DCDC2C: variants seen among roughly 807,000 people sequenced by gnomAD.
DCDC2C encodes the protein doublecortin domain containing 2C.
In DCDC2C, 44 loss-of-function variants were observed where a neutral mutation model predicts 45.0. That is an observed-to-expected ratio of 0.98 (90% CI 0.77 to 1.26). The LOEUF is 1.26. Ranked by LOEUF, DCDC2C falls within the 50% of genes most tolerant of loss-of-function variation. The pLI is 0.00. For synonymous variants in DCDC2C, 187 were observed against 178.8 expected, an observed-to-expected ratio of 1.05 and a Z score of -0.37; for missense variants, 447 against 468.9, an observed-to-expected ratio of 0.95 and a Z score of 0.43.
At chr2:3,749,946 T>C (rs937197477) in intron 4 of DCDC2C, among the ~76,000 whole-genome samples, 3 of 152,134 alleles carry the variant, frequency 2.0e-5, no homozygotes, top group African/African-American at 4.8e-5. Context: ...AGTTGAGTTT[T>C]TTCGGGTGCA....
intron 9 of DCDC2C, among the ~76,000 whole-genome samples, chr2:3,781,366 CG>C (rs1558224706): frequency 6.6e-6 from 1 of 152,120 alleles, no homozygotes; most frequent in African/African-American, 2.4e-5. Context: ...ATATGATTGC[CG>C]GCTTGACCTC....
At chr2:3,772,986 T>C (rs1670223361) in intron 8 of DCDC2C, among the ~76,000 whole-genome samples, 1 of 152,130 alleles carries the variant, frequency 6.6e-6, no homozygotes, top group Admixed American at 6.5e-5. Context: ...GGGTTCTGCA[T>C]TAGGGAAGCG....
At chr2:3,836,816 C>A (rs74171421) in intron 10 of DCDC2C, among the ~76,000 whole-genome samples, 3,810 of 149,476 alleles carry the variant, frequency 0.025, 163 homozygotes, top group African/African-American at 0.087. Flanking sequence ...GAGCCGAGAT[C>A]GCGCCACTGC....
intron 10 of DCDC2C, among the ~76,000 whole-genome samples, chr2:3,843,404 CA>C (rs1672260143): frequency 6.6e-6 from 1 of 152,306 alleles, no homozygotes; most frequent in South Asian, 2.1e-4. Flanking sequence ...TTCTCCACGT[CA>C]GCTGAGCGAC....
intron 6 of DCDC2C, among the ~76,000 whole-genome samples, chr2:3,760,960 T>A (rs1208029860): frequency 6.6e-6 from 1 of 152,226 alleles, no homozygotes; most frequent in Non-Finnish European, 1.5e-5. Context: ...TTGGTTCACT[T>A]CACTTATTGC....
At chr2:3,731,953 T>C (rs1334346399) in intron 3 of DCDC2C, among the ~76,000 whole-genome samples, 1 of 152,098 alleles carries the variant, frequency 6.6e-6, no homozygotes, top group Non-Finnish European at 1.5e-5. Flanking sequence ...GAGGCCATTA[T>C]GAAGGGGGTC....
In DCDC2C at chr2:3,716,149, T is replaced by A. The variant is rs188642885; in HGVS notation, c.339+7549T>A. ...CTGCAATGATCCAGGCAAGGGACAG[T>A]GGGGATTTAGATCATTGTGGTGGCG... On this transcript the variant is annotated intron_variant, in intron 2 of 10. Transcript: ENST00000399143. Among the ~76,000 whole-genome samples the A allele has an allele frequency of 2.4e-3, 362 of 152,182 alleles. 1 individual carries two copies. Among genetic ancestry groups the A allele is most frequent in the Middle Eastern group, 0.014 (4 of 294 alleles).
At chr2:3,739,402 A>C (rs11684160) in intron 3 of DCDC2C, among the ~76,000 whole-genome samples, 23,640 of 152,062 alleles carry the variant, frequency 0.16, 1,894 homozygotes, top group East Asian at 0.24. Flanking sequence ...TTGGCCTGCC[A>C]CGCCCCCATC....
intron 2 of DCDC2C, among the ~76,000 whole-genome samples, chr2:3,716,187 A>G (rs1336761498): frequency 6.6e-6 from 1 of 152,156 alleles, no homozygotes; most frequent in African/African-American, 2.4e-5. Context: ...GGTGATTATG[A>G]ATTCACGCTG....
At chr2:3,788,362 C>T (rs1410254274) in intron 10 of DCDC2C, 1 of 152,084 alleles carries the variant, frequency 6.6e-6, no homozygotes, top group African/African-American at 2.4e-5. Context: ...TCAGAATACA[C>T]CGGGTGTGTA....
intron 10 of DCDC2C, among the ~76,000 whole-genome samples, chr2:3,809,555 T>TA (rs1433665298): frequency 6.6e-6 from 1 of 152,234 alleles, no homozygotes; most frequent in Non-Finnish European, 1.5e-5. Context: ...TTGACTTTTT[T>TA]ATATCGACCT....
chr2:3,770,038 C>T (rs1277731864), intron 8 of DCDC2C, among the ~76,000 whole-genome samples: 1 of 152,156 alleles, frequency 6.6e-6, no homozygotes, highest in Admixed American at 6.5e-5. Context: ...GGCCAGGGTT[C>T]CAGCCCAGCT....
At position 3,769,408 on chromosome 2, in the gene DCDC2C, C is replaced by A; in HGVS notation, c.951C>A (p.Asp317Glu). Residue 317 changes from aspartate (D) to glutamate (E), a missense_variant, in exon 8 of 11, where the codon GAC becomes GAA. By Grantham distance (45) the Asp-to-Glu change is conservative (BLOSUM62 2). Coordinates refer to ENST00000399143, the MANE Select transcript of DCDC2C (RefSeq NM_001287444.2). ...EHNVQLEVPV[D>E]QRQAEIVKED... ...ATGTGCAGCTGGAGGTGCCTGTGGA[C>A]CAGGTGGGTGTCCGGGGTCCGATGT... is the stretch of plus-strand genomic sequence containing the variant. 6.5e-7 allele frequency: 1 copy of A among 1,550,280 alleles called. No homozygotes were observed. The highest frequency in any genetic ancestry group is 8.7e-7 in the Non-Finnish European group (1 of 1,146,818).
chr2:3,752,792 G>A lies in DCDC2C; in HGVS notation c.575G>A (p.Gly192Asp). 1 of 1,550,370 alleles carries A rather than the reference G, an allele frequency of 6.5e-7. No individual in the cohort carries two copies. The highest frequency in any genetic ancestry group is 8.7e-7 in the Non-Finnish European group (1 of 1,146,876). The change falls in exon 5 of 11, where the codon GGC (glycine) becomes GAC (aspartate). Residue 192 changes from glycine to aspartate, a missense_variant. By Grantham distance (94) the Gly-to-Asp change is moderately conservative. Coordinates refer to ENST00000399143, the MANE Select transcript of DCDC2C (RefSeq NM_001287444.2). ...TTTACAATGAATGGGCATCTTTTGGGCGACTCAAAGGATTTGCAAGACAAT... is the reference window on the plus strand; with the variant it reads ...TTTACAATGAATGGGCATCTTTTGGACGACTCAAAGGATTTGCAAGACAAT... ...KLFTMNGHLL[G>D]DSKDLQDNHF...
chr2:3,813,803 GT>G (rs1671484448), intron 10 of DCDC2C, among the ~76,000 whole-genome samples: 2 of 138,850 alleles, frequency 1.4e-5, no homozygotes, highest in African/African-American at 5.4e-5. Flanking sequence ...GAGCCTATGT[GT>G]GTCTTTGCAC....
chr2:3,739,626 C>T (rs1669141143), intron 3 of DCDC2C, among the ~76,000 whole-genome samples: 1 of 152,244 alleles, frequency 6.6e-6, no homozygotes, highest in Non-Finnish European at 1.5e-5. Flanking sequence ...AGGCCTGACT[C>T]CAGGGAAAAA....
intron 4 of DCDC2C, among the ~76,000 whole-genome samples, chr2:3,746,501 C>G (rs77865047): frequency 0.039 from 5,867 of 152,266 alleles, 155 homozygotes; most frequent in Non-Finnish European, 0.059. Context: ...TTTTTCCATG[C>G]CGCCTGCTGG....
intron 10 of DCDC2C, among the ~76,000 whole-genome samples, chr2:3,799,161 A>C (rs1271421355): frequency 6.6e-6 from 1 of 152,152 alleles, no homozygotes; most frequent in African/African-American, 2.4e-5. Context: ...AGTTGATCGC[A>C]TCGGCTCCTG....
chr2:3,722,720 A>G (rs1668533694), intron 2 of DCDC2C, among the ~76,000 whole-genome samples: 1 of 152,228 alleles, frequency 6.6e-6, no homozygotes, highest in African/African-American at 2.4e-5. Context: ...AGAGAAAAAA[A>G]TCCAGAATCA....
Sources: gnomAD v4.1 joint callset for allele counts (sites outside exome capture counted in the v4.1 genomes callset) on GRCh38, gnomAD v4.1.1 for gene constraint, MANE v1.5 for transcripts, NCBI Gene and HGNC (gene_info 2026-07-23, HGNC 2026-07-21) for gene names.